Variants in VWA3B observed in about 807,000 individuals in gnomAD.
VWA3B encodes von Willebrand factor A domain-containing protein 3B.
A neutral mutation model predicts 158.3 loss-of-function variants in VWA3B; 138 were observed. That is an observed-to-expected ratio of 0.87 (90% CI 0.76 to 1.00). The LOEUF (loss-of-function observed/expected upper bound fraction) is 1.00. VWA3B is among the 50% of genes least tolerant of loss of function. The pLI is 0.00. For synonymous variants in VWA3B, 596 were observed against 587.3 expected (o/e 1.01, Z -0.21); for missense variants, 1,555 against 1,565.1 (o/e 0.99, Z 0.11).
intron 21 of VWA3B, among the ~76,000 whole-genome samples, chr2:98,263,675 C>T (rs1687617585): frequency 6.6e-6 from 1 of 151,890 alleles, no homozygotes; most frequent in Non-Finnish European, 1.5e-5. Context: ...TCACTGTTCA[C>T]CAGGGACATT....
intron 7 of VWA3B, among the ~76,000 whole-genome samples, chr2:98,135,577 C>T (rs907609463): frequency 2.8e-4 from 42 of 151,782 alleles, no homozygotes; most frequent in African/African-American, 9.2e-4. Context: ...CCTCGTGATC[C>T]GCCCGCCTCG....
chr2:98,178,923 G>A (rs1680239100), intron 8 of VWA3B, among the ~76,000 whole-genome samples: 2 of 152,146 alleles, frequency 1.3e-5, no homozygotes. Flanking sequence ...TCCCTGCCAG[G>A]AACCCCTTCT....
chr2:98,216,887 C>T (rs1391136404), intron 13 of VWA3B: 4 of 1,272,160 alleles, frequency 3.1e-6, no homozygotes, highest in Admixed American at 4.6e-5. Flanking sequence ...GGATGAGCTT[C>T]AAGCCCAAGT....
intron 7 of VWA3B, among the ~76,000 whole-genome samples, 191 bp from the exon 8 acceptor site, chr2:98,162,660 A>G (rs972627003): frequency 3.3e-5 from 5 of 152,192 alleles, no homozygotes; most frequent in African/African-American, 1.2e-4. Flanking sequence ...TGCATTTATG[A>G]TTTCTTGAGA....
chr2:98,296,999 C>A (rs971860093), intron 23 of VWA3B, among the ~76,000 whole-genome samples: 1 of 151,220 alleles, frequency 6.6e-6, no homozygotes, highest in African/African-American at 2.4e-5. Context: ...ATGGCAAAAA[C>A]CGCAATTATT....
At chr2:98,317,830 C>A (rs376222132), downstream of VWA3B, among the ~76,000 whole-genome samples, 4 of 152,214 alleles carry the variant, frequency 2.6e-5, no homozygotes, top group African/African-American at 9.7e-5. Flanking sequence ...CATGGTCACT[C>A]ATATTTGGCT....
Position 98,192,985 on chromosome 2 carries a change from A to G in VWA3B, c.1554A>G (p.Ser518=). ...CIYILIDTSH[S]MKSKLDLVKD... ...ACATTCTCATTGACACGTCTCACTC[A>G]ATGAAGAGCAAACTGGACTTGGTGA... Residue 518 remains serine (S), a synonymous_variant, in exon 11 of 28, where the codon TCA becomes TCG. Coordinates refer to ENST00000477737, the MANE Select transcript of VWA3B (RefSeq NM_144992.5). 1 of 1,614,184 alleles carries G rather than the reference A, an allele frequency of 6.2e-7. No homozygotes were observed. The highest frequency in any genetic ancestry group is 8.5e-7 in the Non-Finnish European group (1 of 1,180,022).
intron 2 of VWA3B, among the ~76,000 whole-genome samples, chr2:98,112,303 G>GGTGT (rs956197294): frequency 7.3e-6 from 1 of 136,834 alleles, no homozygotes; most frequent in African/African-American, 2.8e-5. Context: ...TGTGTGTGTG[G>GGTGT]GTGTGTGTGT....
rs1688161263 is a variant in VWA3B, at chr2:98,270,882, AG to A, written c.3045+1del. 1 of 1,613,600 alleles carries A rather than the reference AG, an allele frequency of 6.2e-7. No homozygotes were observed. Among genetic ancestry groups the A allele is most frequent in the African/African-American group, 1.3e-5 (1 of 74,966 alleles). On this transcript the variant is annotated frameshift_variant and splice_region_variant, in exon 22 of 28. Coordinates refer to ENST00000477737, the MANE Select transcript of VWA3B (RefSeq NM_144992.5). LOFTEE classifies it high-confidence loss of function. ...AATTATGCAAACAAGGCCCCGGGAG[AG>A]GTGGGTGCCCTGGAGGTCTCTGTCT... is the stretch of plus-strand genomic sequence containing the variant. ...KKNYANKAPG[E>X]QQKLQGNPTK...
intron 20 of VWA3B, 66 bp from the exon 21 acceptor site, chr2:98,256,058 G>T: frequency 6.3e-7 from 1 of 1,587,276 alleles, no homozygotes; most frequent in Non-Finnish European, 8.6e-7. Flanking sequence ...CGGTGCCTGG[G>T]GTTAACCTTT....
intron 5 of VWA3B, chr2:98,122,217 G>A (rs1013327335): frequency 6.6e-6 from 1 of 152,218 alleles, no homozygotes; most frequent in Non-Finnish European, 1.5e-5. Flanking sequence ...CTGGGCAGGC[G>A]GGGTCCTTTG....
At chr2:98,135,325 CTTTTTTTTTTTTTTT>C (rs397873615) in intron 7 of VWA3B, among the ~76,000 whole-genome samples, 3 of 96,422 alleles carry the variant, frequency 3.1e-5, no homozygotes, top group Admixed American at 1.2e-4. Flanking sequence ...AAACATTTTT[CTTTTTTTTTTTTTTT>C]TTTTTTTTTT....
chr2:98,179,038 T>C (rs993841163), intron 8 of VWA3B, among the ~76,000 whole-genome samples: 1 of 152,174 alleles, frequency 6.6e-6, no homozygotes, highest in Non-Finnish European at 1.5e-5. Flanking sequence ...CTCCCGGGAA[T>C]GAAAAAAGCC....
intron 8 of VWA3B, among the ~76,000 whole-genome samples, chr2:98,179,057 T>C (rs1321352727): frequency 6.6e-6 from 1 of 152,166 alleles, no homozygotes; most frequent in East Asian, 1.9e-4. Flanking sequence ...CCCCGATGTG[T>C]AGCATGTGCT....
At chr2:98,141,254 G>A (rs949253557) in intron 7 of VWA3B, among the ~76,000 whole-genome samples, 8 of 152,190 alleles carry the variant, frequency 5.3e-5, no homozygotes, top group African/African-American at 1.9e-4. Flanking sequence ...GTTTTGCACT[G>A]CGATAAAGGA....
chr2:98,097,770 T>C (rs1003155813), intron 2 of VWA3B, among the ~76,000 whole-genome samples: 19 of 152,184 alleles, frequency 1.2e-4, no homozygotes, highest in African/African-American at 4.6e-4. Context: ...GCAACATCTA[T>C]TGTTTTTTGA....
chr2:98,172,221 G>C (rs940172947), intron 8 of VWA3B, among the ~76,000 whole-genome samples: 1 of 152,212 alleles, frequency 6.6e-6, no homozygotes, highest in African/African-American at 2.4e-5. Context: ...AGGTTTTATT[G>C]AGTGGAATTA....
At chr2:98,108,511 CA>C (rs1176922369) in intron 2 of VWA3B, among the ~76,000 whole-genome samples, 1 of 152,102 alleles carries the variant, frequency 6.6e-6, no homozygotes, top group East Asian at 1.9e-4. Flanking sequence ...TTTTTTGTTG[CA>C]AATATTTTGC....
At chr2:98,281,583 G>A (rs544534241) in intron 22 of VWA3B, among the ~76,000 whole-genome samples, 6 of 152,312 alleles carry the variant, frequency 3.9e-5, no homozygotes, top group African/African-American at 1.2e-4. Flanking sequence ...TGTACCTAGT[G>A]TAGAAGTATG....
Sources: gnomAD v4.1 joint callset for allele counts (sites outside exome capture counted in the v4.1 genomes callset) on GRCh38, gnomAD v4.1.1 for gene constraint, MANE v1.5 for transcripts, NCBI Gene and HGNC (gene_info 2026-07-23, HGNC 2026-07-21) for gene names.